The following TRPM3 variants were observed in gnomAD, a reference collection of about 807,000 sequenced individuals.
TRPM3 encodes the protein transient receptor potential cation channel subfamily M member 3.
A neutral mutation model predicts 181.2 loss-of-function variants in TRPM3; 77 were observed. That is an observed-to-expected ratio of 0.42 (90% confidence interval 0.35 to 0.51). The LOEUF (loss-of-function observed/expected upper bound fraction) is 0.51, where lower values mean the gene tolerates loss of function less well. TRPM3 is among the 20% of genes least tolerant of loss of function. The pLI is 0.01. For missense variants in TRPM3, 1,759 were observed against 2,196.7 expected (o/e 0.80, Z 3.98); for synonymous variants, 745 against 796.4 (o/e 0.94, Z 1.09).
chr9:70,692,790 G>A (rs1438554097), intron 8 of TRPM3, among the ~76,000 whole-genome samples: 2 of 152,176 alleles, frequency 1.3e-5, no homozygotes, highest in African/African-American at 2.4e-5. Context: ...TTTGAATGCT[G>A]CATATGGCTT....
At chr9:70,906,610 A>T (rs1241291551) in intron 1 of TRPM3, among the ~76,000 whole-genome samples, 2 of 152,018 alleles carry the variant, frequency 1.3e-5, no homozygotes, top group South Asian at 2.1e-4. Flanking sequence ...ATGATCTTTT[A>T]AAAAAGTACA....
intron 12 of TRPM3, among the ~76,000 whole-genome samples, chr9:70,634,508 G>A (rs1006329467): frequency 6.6e-6 from 1 of 152,124 alleles, no homozygotes; most frequent in African/African-American, 2.4e-5. Flanking sequence ...TGTGCACCTA[G>A]TCATCACTAG....
At chr9:70,841,873 C>A (rs148638420) in intron 5 of TRPM3, among the ~76,000 whole-genome samples, 1 of 151,326 alleles carries the variant, frequency 6.6e-6, no homozygotes, top group African/African-American at 2.4e-5. Flanking sequence ...TAAGTGGGGG[C>A]AAAGTACTAG....
intron 1 of TRPM3, among the ~76,000 whole-genome samples, chr9:70,965,999 G>A (rs1357108827): frequency 6.6e-6 from 1 of 150,994 alleles, no homozygotes; most frequent in East Asian, 1.9e-4. Context: ...ATCTGACAAA[G>A]GTCTAATATC....
chr9:71,339,136 A>G (rs1239643507), intron 1 of TRPM3, among the ~76,000 whole-genome samples: 2 of 152,110 alleles, frequency 1.3e-5, no homozygotes, highest in Non-Finnish European at 2.9e-5. Context: ...TCAAAAATGA[A>G]CTTCAAACCC....
At position 71,170,362 on chromosome 9, in the gene TRPM3, TC is replaced by T. The variant is rs2076790185; in HGVS notation, c.183+276290del. On this transcript the variant is annotated intron_variant, in intron 1 of 24. Transcript: ENST00000357533. Reference sequence around the variant, plus strand: ...TTAGGAAGAACGTCTGGACTGCTAATCCTGTGAGTCAGGATAAGTAGCAGCA... The same window carrying T: ...TTAGGAAGAACGTCTGGACTGCTAATCTGTGAGTCAGGATAAGTAGCAGCA... Among the ~76,000 whole-genome samples, 3 of 152,194 alleles carry T rather than the reference TC, an allele frequency of 2.0e-5. No individual in the cohort carries two copies. In the South Asian group the frequency reaches 6.2e-4, roughly 31 times the overall value.
intron 1 of TRPM3, among the ~76,000 whole-genome samples, chr9:71,229,430 C>T (rs2080903787): frequency 6.6e-6 from 1 of 152,068 alleles, no homozygotes; most frequent in Non-Finnish European, 1.5e-5. Flanking sequence ...GAGTAATACC[C>T]CACAAGCACA....
chr9:70,809,533 T>C (rs2091454340), intron 6 of TRPM3, among the ~76,000 whole-genome samples: 1 of 152,210 alleles, frequency 6.6e-6, no homozygotes, highest in Non-Finnish European at 1.5e-5. Flanking sequence ...CCTACAGTAT[T>C]CACTACCACA....
chr9:71,212,367 T>C (rs1186948139), intron 1 of TRPM3, among the ~76,000 whole-genome samples: 2 of 152,216 alleles, frequency 1.3e-5, no homozygotes, highest in Non-Finnish European at 2.9e-5. Context: ...TAATGTTTAG[T>C]TTTAATTTAG....
At chr9:71,177,985 A>G (rs1023681249) in intron 1 of TRPM3, among the ~76,000 whole-genome samples, 1 of 149,166 alleles carries the variant, frequency 6.7e-6, no homozygotes, top group African/African-American at 2.5e-5. Flanking sequence ...CAGATGTTTT[A>G]TACTGAACCA....
At chr9:71,109,792 A>G (rs1287847027) in intron 1 of TRPM3, among the ~76,000 whole-genome samples, 2 of 152,178 alleles carry the variant, frequency 1.3e-5, no homozygotes, top group African/African-American at 4.8e-5. Context: ...AAAAGTCCTT[A>G]ATATGTGGCT....
intron 1 of TRPM3, among the ~76,000 whole-genome samples, chr9:70,951,286 G>T (rs1249574839): frequency 6.6e-6 from 1 of 152,092 alleles, no homozygotes. Context: ...CTAGTACATT[G>T]CTAGCTCTCC....
At chr9:70,639,298 G>T in intron 10 of TRPM3, 104 bp from the exon 11 acceptor site, 1 of 1,312,672 alleles carries the variant, frequency 7.6e-7, no homozygotes, top group Non-Finnish European at 1.1e-6. Context: ...TTGACATCTG[G>T]TAAACCTTCA....
chr9:71,235,404 G>A (rs2081299979), intron 1 of TRPM3, among the ~76,000 whole-genome samples: 1 of 152,152 alleles, frequency 6.6e-6, no homozygotes, highest in African/African-American at 2.4e-5. Context: ...TAGACCATGA[G>A]GCCCATGATC....
chr9:71,184,939 A>G (rs938278792), intron 1 of TRPM3, among the ~76,000 whole-genome samples: 1 of 152,278 alleles, frequency 6.6e-6, no homozygotes. Context: ...GTCAACACAC[A>G]TATAGAAACA....
At chr9:70,806,783 C>T (rs1200997920) in intron 6 of TRPM3, among the ~76,000 whole-genome samples, 1 of 152,112 alleles carries the variant, frequency 6.6e-6, no homozygotes. Context: ...CATCTGGGAG[C>T]ACTATTTATA....
chr9:71,294,186 C>A (rs553503057), intron 1 of TRPM3, among the ~76,000 whole-genome samples: 1 of 151,932 alleles, frequency 6.6e-6, no homozygotes, highest in South Asian at 2.1e-4. Flanking sequence ...CAAGAGGAAC[C>A]ATGAAATGAT....
intron 1 of TRPM3, among the ~76,000 whole-genome samples, chr9:70,982,860 C>T (rs7849292): frequency 0.31 from 46,330 of 151,726 alleles, 7,191 homozygotes; most frequent in African/African-American, 0.38. Flanking sequence ...GCCACCACAC[C>T]TGGCTAATTT....
intron 5 of TRPM3, among the ~76,000 whole-genome samples, chr9:70,834,752 T>C (rs917219352): frequency 8.5e-5 from 13 of 152,168 alleles, no homozygotes; most frequent in African/African-American, 2.9e-4. Context: ...AACCCTCAGA[T>C]GGTGCAGCCC....
Sources: allele counts gnomAD v4.1 joint callset (sites outside exome capture counted in the v4.1 genomes callset), GRCh38; gene constraint gnomAD v4.1.1; transcripts MANE v1.5; gene names NCBI Gene and HGNC (gene_info 2026-07-23, HGNC 2026-07-21).